Variants in FAM163A observed in about 807,000 individuals in gnomAD.
FAM163A encodes the protein protein FAM163A.
A neutral mutation model predicts 12.0 loss-of-function variants in FAM163A; 7 were observed. The observed-to-expected ratio is 0.58, with a 90% CI of 0.33 to 1.10. The LOEUF is 1.10. Ranked by LOEUF, FAM163A falls within the 50% of genes least tolerant of loss-of-function variation. The pLI, the probability that FAM163A is intolerant of heterozygous loss-of-function variation, is 0.03. For missense variants in FAM163A, 202 were observed against 218.6 expected, an observed-to-expected ratio of 0.92 and a Z score of 0.48; for synonymous variants, 101 against 91.0, an observed-to-expected ratio of 1.11 and a Z score of -0.62.
At chr1:179,756,370 G>A (rs923041752) in intron 1 of FAM163A, among the ~76,000 whole-genome samples, 2 of 152,264 alleles carry the variant, frequency 1.3e-5, no homozygotes, top group South Asian at 2.1e-4. Context: ...GAGAGAAAAT[G>A]TGCAGGACCT....
the FAM163A span, among the ~76,000 whole-genome samples, chr1:179,732,460 C>A: frequency 6.6e-6 from 1 of 152,286 alleles, no homozygotes; most frequent in African/African-American, 2.4e-5. Flanking sequence ...GTACCAATTA[C>A]TTTAACTCAG....
upstream of FAM163A, among the ~76,000 whole-genome samples, chr1:179,738,432 T>G (rs1683248098): frequency 6.6e-6 from 1 of 152,208 alleles, no homozygotes; most frequent in African/African-American, 2.4e-5. Context: ...ATATGTAGTT[T>G]TTTGTATCAA....
intron 1 of FAM163A, among the ~76,000 whole-genome samples, chr1:179,797,114 A>G (rs1692433084): frequency 6.6e-6 from 1 of 152,160 alleles, no homozygotes; most frequent in Non-Finnish European, 1.5e-5. Flanking sequence ...CCGTCGCAGG[A>G]CTGCCCCCTG....
intron 1 of FAM163A, among the ~76,000 whole-genome samples, chr1:179,800,045 T>C (rs1692939646): frequency 6.6e-6 from 1 of 152,248 alleles, no homozygotes; most frequent in African/African-American, 2.4e-5. Context: ...TGGCATGCTC[T>C]ATACACTAGT....
chr1:179,781,899 A>C (rs374481753), intron 1 of FAM163A, among the ~76,000 whole-genome samples: 52 of 146,560 alleles, frequency 3.5e-4, no homozygotes, highest in African/African-American at 1.1e-3. Context: ...GTGCTGCTGC[A>C]CTCTAGCCTG....
the FAM163A span, among the ~76,000 whole-genome samples, chr1:179,735,752 C>A: frequency 6.6e-6 from 1 of 152,038 alleles, no homozygotes; most frequent in Non-Finnish European, 1.5e-5. Flanking sequence ...ATCAGCCCAC[C>A]TCGGCCTCCC....
At chr1:179,813,250 T>C (rs752679504) in intron 4 of FAM163A, 60 bp downstream of exon 4, 59 of 1,475,912 alleles carry the variant, frequency 4.0e-5, no homozygotes, top group Non-Finnish European at 5.4e-5. Flanking sequence ...TCTTTTTCAT[T>C]ATGGGGGCAG....
At chr1:179,768,599 A>T (rs1206790435) in intron 1 of FAM163A, among the ~76,000 whole-genome samples, 1 of 151,752 alleles carries the variant, frequency 6.6e-6, no homozygotes, top group Non-Finnish European at 1.5e-5. Flanking sequence ...TCTTATGTAT[A>T]TGGACACTGG....
intron 1 of FAM163A, among the ~76,000 whole-genome samples, chr1:179,795,334 C>T (rs1215825040): frequency 6.6e-6 from 1 of 152,142 alleles, no homozygotes; most frequent in East Asian, 1.9e-4. Context: ...ATGTGTCCCC[C>T]AAAAGTTCAT....
chr1:179,734,303 A>T, the FAM163A span, among the ~76,000 whole-genome samples: 1 of 152,204 alleles, frequency 6.6e-6, no homozygotes, highest in African/African-American at 2.4e-5. Flanking sequence ...TGACTAGAGA[A>T]AGCTGTCATC....
At chr1:179,797,912 G>C (rs1313266325) in intron 1 of FAM163A, among the ~76,000 whole-genome samples, 1 of 152,084 alleles carries the variant, frequency 6.6e-6, no homozygotes, top group Non-Finnish European at 1.5e-5. Flanking sequence ...GTTGACTTGA[G>C]CATGTGTGTG....
intron 1 of FAM163A, among the ~76,000 whole-genome samples, chr1:179,749,013 T>A (rs986328445): frequency 6.6e-6 from 1 of 152,250 alleles, no homozygotes; most frequent in Non-Finnish European, 1.5e-5. Flanking sequence ...ACAACAGGCA[T>A]GTGAAATCAA....
chr1:179,793,961 A>G (rs1432858424), intron 1 of FAM163A, among the ~76,000 whole-genome samples: 1 of 152,198 alleles, frequency 6.6e-6, no homozygotes, highest in Non-Finnish European at 1.5e-5. Flanking sequence ...TCTGTGAGTG[A>G]AGAGGGCCTG....
chr1:179,769,669 A>G (rs77304492), intron 1 of FAM163A, among the ~76,000 whole-genome samples: 1 of 152,276 alleles, frequency 6.6e-6, no homozygotes, highest in African/African-American at 2.4e-5. Context: ...AGATGTATGT[A>G]GCCCCGTGGC....
chr1:179,751,170 G>A (rs552810069), intron 1 of FAM163A, among the ~76,000 whole-genome samples: 96 of 152,254 alleles, frequency 6.3e-4, no homozygotes, highest in African/African-American at 2.2e-3. Flanking sequence ...TAGGAGCTAT[G>A]CCTCTGTTAG....
At chr1:179,797,404 C>T (rs985860744) in intron 1 of FAM163A, among the ~76,000 whole-genome samples, 5 of 152,076 alleles carry the variant, frequency 3.3e-5, no homozygotes, top group South Asian at 2.1e-4. Flanking sequence ...GCCAAGATCA[C>T]GCCACTGCAC....
chr1:179,788,304 G>A (rs1415413718), intron 1 of FAM163A, among the ~76,000 whole-genome samples: 3 of 152,106 alleles, frequency 2.0e-5, no homozygotes, highest in Non-Finnish European at 4.4e-5. Context: ...TGGTAAATCC[G>A]AACGATATTT....
intron 1 of FAM163A, among the ~76,000 whole-genome samples, chr1:179,767,443 C>T (rs1253015311): frequency 6.6e-6 from 1 of 152,178 alleles, no homozygotes. Flanking sequence ...TTTAATCTCC[C>T]ACACGGCTGC....
chr1:179,744,079 A>G (rs1187721155), intron 1 of FAM163A, among the ~76,000 whole-genome samples: 1 of 152,156 alleles, frequency 6.6e-6, no homozygotes, highest in East Asian at 1.9e-4. Context: ...TACAAAATAA[A>G]GAGGGCGAAG....
Sources: gnomAD v4.1 joint callset for allele counts (sites outside exome capture counted in the v4.1 genomes callset) on GRCh38, gnomAD v4.1.1 for gene constraint, MANE v1.5 for transcripts, NCBI Gene and HGNC (gene_info 2026-07-23, HGNC 2026-07-21) for gene names.